The following SNRPN variants were observed in gnomAD, a reference collection of about 807,000 sequenced individuals.
The protein encoded by SNRPN is small nuclear ribonucleoprotein-associated protein N.
A neutral mutation model predicts 25.2 loss-of-function variants in SNRPN; 7 were observed. The observed-to-expected ratio is 0.28, with a 90% CI of 0.16 to 0.52. The LOEUF is 0.52. SNRPN is among the 20% of genes least tolerant of loss of function. The probability of loss-of-function intolerance (pLI) is 0.96; values close to 1 mark genes in which losing one functional copy is unlikely to be tolerated. For synonymous variants in SNRPN, 124 were observed against 110.6 expected (o/e 1.12, Z -0.76); for missense variants, 196 against 322.5 (o/e 0.61, Z 3.00).
intron 1 of SNRPN, among the ~76,000 whole-genome samples, chr15:24,959,199 C>T (rs1204348320): frequency 6.6e-6 from 1 of 152,060 alleles, no homozygotes; most frequent in Non-Finnish European, 1.5e-5. Context: ...TTCATGATGT[C>T]CTCAGTTTCA....
intron 2 of SNRPN, among the ~76,000 whole-genome samples, chr15:24,831,455 T>C (rs1162975342): frequency 1.3e-5 from 2 of 152,096 alleles, no homozygotes; most frequent in African/African-American, 4.8e-5. Context: ...AGAACATATG[T>C]GTTACCTCAC....
upstream of SNRPN, among the ~76,000 whole-genome samples, chr15:24,856,152 G>A (rs916480642): frequency 6.6e-6 from 1 of 151,984 alleles, no homozygotes; most frequent in African/African-American, 2.4e-5. Context: ...CCTTCTCTTA[G>A]CCAAGTGTGC....
chr15:24,974,600 C>A, intron 4 of SNRPN, 144 bp downstream of exon 4: 1 of 820,736 alleles, frequency 1.2e-6, no homozygotes, highest in Non-Finnish European at 2.1e-6. Context: ...CATTGAGTAT[C>A]AGCTGAAGAT....
intron 1 of SNRPN, among the ~76,000 whole-genome samples, chr15:24,870,300 G>A (rs1307022390): frequency 2.6e-5 from 4 of 152,094 alleles, no homozygotes; most frequent in East Asian, 1.9e-4. Context: ...GTCATCTGTC[G>A]ATTTGAGGAG....
intron 7 of SNRPN, 122 bp downstream of exon 7, chr15:24,977,151 C>A (rs375973958): frequency 2.9e-6 from 2 of 692,276 alleles, no homozygotes; most frequent in Non-Finnish European, 4.4e-6. Context: ...TTAGGAGGAA[C>A]CAAAACACAG....
intron 1 of SNRPN, among the ~76,000 whole-genome samples, chr15:24,827,044 A>G (rs1441457357): frequency 1.3e-5 from 2 of 152,122 alleles, no homozygotes; most frequent in Non-Finnish European, 2.9e-5. Flanking sequence ...ATACATATAT[A>G]TACATATACT....
chr15:24,966,871 C>T (rs934863467), intron 2 of SNRPN, among the ~76,000 whole-genome samples: 1 of 152,156 alleles, frequency 6.6e-6, no homozygotes, highest in Non-Finnish European at 1.5e-5. Flanking sequence ...GCTGTCATTT[C>T]CTGTATGTCT....
chr15:24,826,813 C>T (rs2050117670), intron 1 of SNRPN, among the ~76,000 whole-genome samples: 1 of 151,896 alleles, frequency 6.6e-6, no homozygotes, highest in Non-Finnish European at 1.5e-5. Context: ...TAGAGTCACG[C>T]ATTGACTAAT....
intron 3 of SNRPN, among the ~76,000 whole-genome samples, chr15:24,943,616 G>A (rs746855307): frequency 7.2e-5 from 11 of 152,190 alleles, no homozygotes; most frequent in Non-Finnish European, 1.5e-4. Flanking sequence ...GGTGTCCTAT[G>A]GTTAAGCCTT....
chr15:24,835,107 C>CTG lies in SNRPN; in HGVS notation c.-579+5203_-579+5204insGT, dbSNP rs1555376804. 1.9e-4 allele frequency among the ~76,000 whole-genome samples: 7 copies of CTG among 36,304 alleles called. 2 individuals carry two copies. Among genetic ancestry groups the CTG allele is most frequent in the African/African-American group, 5.3e-4 (5 of 9,466 alleles). 23.8% of individuals were successfully genotyped at this position (36,304 alleles called of 152,430 possible). A position where few individuals can be genotyped will look rare whatever the true frequency, so the allele number is the denominator to read the frequency against. On this transcript the variant is annotated intron_variant, in intron 2 of 12. Transcript: ENST00000400100. ...TATATAAAATATATAGATATATATA[C>CTG]TATATATCTATATATAAAATATATA...
At chr15:24,974,257 C>T in intron 3 of SNRPN, 54 bp from the exon 4 acceptor site, 2 of 595,664 alleles carry the variant, frequency 3.4e-6, no homozygotes, top group South Asian at 2.1e-5. Context: ...AATTGTCTGC[C>T]TGTTTTAAAA....
intron 2 of SNRPN, among the ~76,000 whole-genome samples, chr15:24,892,305 G>C (rs2057742785): frequency 6.6e-6 from 1 of 152,192 alleles, no homozygotes; most frequent in African/African-American, 2.4e-5. Flanking sequence ...GGAAGACAGA[G>C]AGATGGAGAA....
rs2060653674 is a variant in SNRPN at position 24,929,484 on chromosome 15, G to A, written c.-391+9360G>A. ...CAGGCTTCTGCAGTGAAAGGGGCCAGGTCTAGGAAGATGGGGAATACTTGC... is the reference window on the plus strand; with the variant it reads ...CAGGCTTCTGCAGTGAAAGGGGCCAAGTCTAGGAAGATGGGGAATACTTGC... On this transcript the variant is annotated intron_variant, in intron 3 of 11. Coordinates refer to the SNRPN transcript ENST00000400097. This position sits in a 1 kb window ranked among gnomAD's most constrained non-coding sequence, Gnocchi z 5.3. 6.6e-6 allele frequency among the ~76,000 whole-genome samples: 1 copy of A among 152,126 alleles called. No individual in the cohort carries two copies. The highest frequency in any genetic ancestry group is 1.5e-5 in the Non-Finnish European group (1 of 68,032).
chr15:24,835,921 T>C (rs2051138310), intron 2 of SNRPN, among the ~76,000 whole-genome samples: 1 of 152,012 alleles, frequency 6.6e-6, no homozygotes, highest in East Asian at 1.9e-4. Flanking sequence ...CTCTTCGGCC[T>C]CCCAAAGGGA....
intron 3 of SNRPN, among the ~76,000 whole-genome samples, chr15:24,969,127 T>C (rs1455191714): frequency 1.3e-5 from 2 of 152,084 alleles, no homozygotes; most frequent in Non-Finnish European, 2.9e-5. Context: ...TTTTGAGTTA[T>C]TAATTAATTT....
At chr15:24,903,394 G>A (rs2058591437) in intron 2 of SNRPN, among the ~76,000 whole-genome samples, 1 of 152,110 alleles carries the variant, frequency 6.6e-6, no homozygotes, top group Non-Finnish European at 1.5e-5. Flanking sequence ...GTCTATACAG[G>A]CAAAAGCGTA....
At chr15:24,912,111 G>A (rs921850437) in intron 2 of SNRPN, among the ~76,000 whole-genome samples, 2 of 152,164 alleles carry the variant, frequency 1.3e-5, no homozygotes, top group African/African-American at 4.8e-5. Context: ...TTGAAGTTAT[G>A]TGGGACATGT....
chr15:24,824,073 A>G (rs2049911592), intron 1 of SNRPN, among the ~76,000 whole-genome samples: 1 of 152,094 alleles, frequency 6.6e-6, no homozygotes, highest in Non-Finnish European at 1.5e-5. Context: ...TTATTAAGAA[A>G]GACAAATGTT....
At chr15:24,968,175 T>C in intron 3 of SNRPN, 93 bp downstream of exon 3, 1 of 793,036 alleles carries the variant, frequency 1.3e-6, no homozygotes. Flanking sequence ...CATTAATTTT[T>C]TTCCTTAGAG....
Sources: gnomAD v4.1 joint callset for allele counts (sites outside exome capture counted in the v4.1 genomes callset) on GRCh38, gnomAD v4.1.1 for gene constraint, Gnocchi (gnomAD v3.1) non-coding constraint, MANE v1.5 for transcripts, NCBI Gene and HGNC (gene_info 2026-07-23, HGNC 2026-07-21) for gene names.